The following GNA12 variants were observed in gnomAD, a reference collection of about 807,000 sequenced individuals.
GNA12 encodes G protein subunit alpha 12, also known as guanine nucleotide-binding protein subunit alpha-12.
A neutral mutation model predicts 26.0 loss-of-function variants in GNA12; 9 were observed. The observed-to-expected ratio is 0.35, with a 90% CI of 0.21 to 0.60. The LOEUF (loss-of-function observed/expected upper bound fraction) is 0.60, where lower values mean the gene tolerates loss of function less well. Ranked by LOEUF, GNA12 falls within the 20% of genes least tolerant of loss-of-function variation. GNA12 has a pLI of 0.78. For synonymous variants in GNA12, 264 were observed against 219.6 expected, an observed-to-expected ratio of 1.20 and a Z score of -1.79; for missense variants, 405 against 525.8, an observed-to-expected ratio of 0.77 and a Z score of 2.25.
intron 1 of GNA12, among the ~76,000 whole-genome samples, chr7:2,813,848 T>C (rs1262810988): frequency 6.6e-6 from 1 of 152,172 alleles, no homozygotes; most frequent in Non-Finnish European, 1.5e-5. Flanking sequence ...ACACCGTTCC[T>C]GGGCGTGTCT....
chr7:2,740,782 T>C (rs533512573), intron 2 of GNA12, among the ~76,000 whole-genome samples: 2 of 152,286 alleles, frequency 1.3e-5, no homozygotes, highest in African/African-American at 2.4e-5. Context: ...CGGTGACTCA[T>C]GCCTATAATC....
At chr7:2,772,197 C>A (rs1323362013) in intron 2 of GNA12, among the ~76,000 whole-genome samples, 1 of 152,322 alleles carries the variant, frequency 6.6e-6, no homozygotes, top group Non-Finnish European at 1.5e-5. Flanking sequence ...TGACCAACAA[C>A]CCAACAGGGC....
chr7:2,737,295 T>TG (rs1298067125), intron 2 of GNA12, among the ~76,000 whole-genome samples: 2 of 130,754 alleles, frequency 1.5e-5, no homozygotes, highest in Admixed American at 7.6e-5. Flanking sequence ...TTTTGTTTTT[T>TG]TTTTTTTTTT....
chr7:2,796,599 G>A (rs920652220), intron 1 of GNA12, among the ~76,000 whole-genome samples: 18 of 152,134 alleles, frequency 1.2e-4, no homozygotes, highest in Admixed American at 2.0e-4. Flanking sequence ...ACTAAAATAC[G>A]ACAAGCCAAG....
intron 2 of GNA12, chr7:2,762,857 G>C (rs1791630865): frequency 6.8e-7 from 1 of 1,470,588 alleles, no homozygotes; most frequent in Admixed American, 2.4e-5. Context: ...AAGCAGGAGA[G>C]GGCCAGCTCC....
At chr7:2,755,993 A>C (rs1396334525) in intron 2 of GNA12, among the ~76,000 whole-genome samples, 2 of 152,222 alleles carry the variant, frequency 1.3e-5, no homozygotes, top group Non-Finnish European at 2.9e-5. Flanking sequence ...ATCTCTTCAA[A>C]ACACCACAGA....
intron 1 of GNA12, among the ~76,000 whole-genome samples, chr7:2,837,263 C>T (rs980391434): frequency 6.6e-6 from 1 of 152,166 alleles, no homozygotes; most frequent in Non-Finnish European, 1.5e-5. Context: ...CTACCCCCTC[C>T]CATTCCCTAG....
intron 2 of GNA12, among the ~76,000 whole-genome samples, chr7:2,790,060 G>T (rs1413034366): frequency 6.6e-6 from 1 of 152,140 alleles, no homozygotes; most frequent in Non-Finnish European, 1.5e-5. Context: ...GGCTGAGCAA[G>T]CTTCTGCCCT....
intron 2 of GNA12, among the ~76,000 whole-genome samples, chr7:2,738,710 T>A (rs954372830): frequency 1.3e-5 from 2 of 151,446 alleles, no homozygotes; most frequent in African/African-American, 4.9e-5. Context: ...CTTCCATAAT[T>A]AAAAAAAAAT....
chr7:2,772,273 C>T (rs993238582), intron 2 of GNA12, among the ~76,000 whole-genome samples: 9 of 152,102 alleles, frequency 5.9e-5, no homozygotes, highest in African/African-American at 2.2e-4. Context: ...ACAAAAGGTG[C>T]CAAACATGCT....
At chr7:2,754,152 T>G (rs1791177663) in intron 2 of GNA12, among the ~76,000 whole-genome samples, 1 of 151,216 alleles carries the variant, frequency 6.6e-6, no homozygotes, top group South Asian at 2.1e-4. Flanking sequence ...TATTTTCTAT[T>G]GTATCTGTGT....
At chr7:2,746,846 A>G (rs1488126991) in intron 2 of GNA12, among the ~76,000 whole-genome samples, 5 of 152,168 alleles carry the variant, frequency 3.3e-5, no homozygotes, top group Admixed American at 2.6e-4. Context: ...TATCATCACC[A>G]ATCCCACAGA....
At chr7:2,803,082 G>T (rs532637559) in intron 1 of GNA12, among the ~76,000 whole-genome samples, 3 of 132,820 alleles carry the variant, frequency 2.3e-5, no homozygotes, top group Non-Finnish European at 5.0e-5. Flanking sequence ...ATGAAAAGTG[G>T]TGGGTAACGA....
intron 2 of GNA12, among the ~76,000 whole-genome samples, chr7:2,785,036 T>C (rs1792324156): frequency 1.3e-5 from 2 of 151,898 alleles, no homozygotes; most frequent in South Asian, 4.1e-4. Context: ...CCTAGAGGAG[T>C]AGATTTTTAG....
At chr7:2,793,505 T>G (rs1792573169) in intron 2 of GNA12, among the ~76,000 whole-genome samples, 2 of 152,154 alleles carry the variant, frequency 1.3e-5, no homozygotes, top group South Asian at 4.1e-4. Flanking sequence ...GAAATTGAAC[T>G]GAGGGGACTA....
intron 2 of GNA12, among the ~76,000 whole-genome samples, chr7:2,749,500 G>A (rs956814293): frequency 2.0e-5 from 3 of 149,432 alleles, no homozygotes; most frequent in African/African-American, 5.0e-5. Context: ...ATCACACACC[G>A]GGGACTATTG....
intron 2 of GNA12, among the ~76,000 whole-genome samples, chr7:2,746,112 G>C (rs1054427622): frequency 6.6e-6 from 1 of 152,096 alleles, no homozygotes; most frequent in Non-Finnish European, 1.5e-5. Flanking sequence ...ACAGATCAAC[G>C]AGACAGAAAG....
At position 2,731,486 on chromosome 7, in the gene GNA12, C is replaced by G. The variant is rs150519840; in HGVS notation, c.841G>C (p.Val281Leu). The G allele has an allele frequency of 6.2e-7, 1 of 1,613,558 alleles. No individual in the cohort carries two copies. Among genetic ancestry groups the G allele is most frequent in the Non-Finnish European group, 8.5e-7 (1 of 1,179,796 alleles). The change falls in exon 4 of 4, where the codon GTC (valine) becomes CTC (leucine). Residue 281 changes from valine to leucine, a missense_variant. By Grantham distance (32) the Val-to-Leu change is conservative. Transcript: ENST00000275364. This position sits in a 1 kb window ranked among gnomAD's most constrained non-coding sequence, Gnocchi z 6.0. ...ACGTTGAAGAAGAGCTTGTTGTTGA[C>G]GATGGTCTCGAAGATGTTCATGGAC... ...VESMNIFETI[V>L]NNKLFFNVSI...
At chr7:2,767,931 T>C (rs1259272878) in intron 2 of GNA12, among the ~76,000 whole-genome samples, 3 of 152,254 alleles carry the variant, frequency 2.0e-5, no homozygotes, top group African/African-American at 4.8e-5. Flanking sequence ...CTCGGCTCAC[T>C]GCAACCTCCG....
Sources: allele counts gnomAD v4.1 joint callset (sites outside exome capture counted in the v4.1 genomes callset), GRCh38; gene constraint gnomAD v4.1.1; non-coding constraint Gnocchi (gnomAD v3.1); transcripts MANE v1.5; gene names NCBI Gene and HGNC (gene_info 2026-07-23, HGNC 2026-07-21).